The following STT3A variants were observed in gnomAD, a reference collection of about 807,000 sequenced individuals.
The protein encoded by STT3A is dolichyl-diphosphooligosaccharide--protein glycosyltransferase subunit STT3A.
STT3A carries 34 observed loss-of-function variants against 89.2 expected under a neutral mutation model. The observed-to-expected ratio is 0.38, with a 90% confidence interval of 0.29 to 0.51. STT3A has a LOEUF of 0.51. STT3A is among the 20% of genes least tolerant of loss of function. The pLI is 0.89. For missense variants in STT3A, 555 were observed against 889.5 expected (o/e 0.62, Z 4.78); for synonymous variants, 282 against 310.3 (o/e 0.91, Z 0.96).
At position 125,594,541 on chromosome 11, in the gene STT3A, AC is replaced by A. The variant is rs528235297; in HGVS notation, c.-35-1338del. Among the ~76,000 whole-genome samples the A allele has an allele frequency of 4.1e-4, 57 of 139,660 alleles. No homozygotes were observed. The East Asian group carries it at 5.0e-3, about 12-fold the overall frequency. 91.6% of individuals were successfully genotyped at this position (139,660 alleles called of 152,430 possible). A position where few individuals can be genotyped will look rare whatever the true frequency, so the allele number is the denominator to read the frequency against. Reference sequence around the variant, plus strand: ...GGAGGTTGCAGTGAGCCGAGATGGCACCACTGCACTCTAGCCTGGCGACAGA... The same window carrying A: ...GGAGGTTGCAGTGAGCCGAGATGGCACACTGCACTCTAGCCTGGCGACAGA... On this transcript the variant is annotated intron_variant, in intron 1 of 17. Transcript: ENST00000392708.
intron 17 of STT3A, 39 bp from the exon 18 acceptor site, chr11:125,620,723 CCAAAGTTGAT>C (rs1431158017): frequency 6.3e-7 from 1 of 1,592,550 alleles, no homozygotes; most frequent in Non-Finnish European, 8.6e-7. Context: ...GAAAATTTCT[CCAAAGTTGAT>C]CTGATTGTAA....
At position 125,614,579 on chromosome 11, in the gene STT3A, T is replaced by C. The variant is rs565472159; in HGVS notation, c.1774+153T>C. Among the ~76,000 whole-genome samples, 1 of 152,280 alleles carries C rather than the reference T, an allele frequency of 6.6e-6. No individual in the cohort carries two copies. Among genetic ancestry groups the C allele is most frequent in the Non-Finnish European group, 1.5e-5 (1 of 68,016 alleles). On this transcript the variant is annotated intron_variant, in intron 15 of 17. Coordinates refer to ENST00000392708, the MANE Select transcript of STT3A (RefSeq NM_152713.5). The surrounding 1 kb of genome is among the most constrained non-coding windows in gnomAD (Gnocchi z 4.9). ...TATTTGCAACTTGAGGTTTGGGTAT[T>C]TTGATTTTTTTCTTTTTGTAACAAG...
At chr11:125,598,010 G>A (rs997124315) in intron 3 of STT3A, among the ~76,000 whole-genome samples, 2 of 152,036 alleles carry the variant, frequency 1.3e-5, no homozygotes, top group African/African-American at 2.4e-5. Context: ...TCAGGAGTTC[G>A]AGACCAGCCT....
chr11:125,605,759 A>G lies in STT3A; in HGVS notation c.615+24A>G, dbSNP rs962572645. On this transcript the variant is annotated intron_variant, in intron 7 of 17. Coordinates refer to ENST00000392708, the MANE Select transcript of STT3A (RefSeq NM_152713.5). ...TGGTAACTTTTTCTACATGTTTTCA[A>G]TTTTTAAAGTTCTCTAAATACTGTA... 5.0e-6 allele frequency: 8 copies of G among 1,586,620 alleles called. No individual in the cohort carries two copies. In the Admixed American group the frequency reaches 1.2e-4, roughly 23 times the overall value.
At position 125,618,292 on chromosome 11, in the gene STT3A, G is replaced by A. The variant is rs1940237304; in HGVS notation, c.1775-81G>A. On this transcript the variant is annotated intron_variant, in intron 15 of 17. Coordinates refer to ENST00000392708, the MANE Select transcript of STT3A (RefSeq NM_152713.5). ...CCAATCCCCATTAAAAAAATGTTGAGGAATTTTCTTAGAAATACTAACCTG... is the reference window on the plus strand; with the variant it reads ...CCAATCCCCATTAAAAAAATGTTGAAGAATTTTCTTAGAAATACTAACCTG... 2.2e-6 allele frequency: 3 copies of A among 1,334,562 alleles called. No homozygotes were observed. The South Asian group carries it at 4.7e-5, about 21-fold the overall frequency. The allele number at this position is 1,334,562 out of a possible 1,614,324, so 82.7% of individuals were successfully genotyped here.
rs529394479 is a variant in STT3A, at chr11:125,613,406, A to G, written c.1554+229A>G. 6.6e-6 allele frequency among the ~76,000 whole-genome samples: 1 copy of G among 152,308 alleles called. No individual in the cohort carries two copies. The highest frequency in any genetic ancestry group is 2.1e-4 in the South Asian group (1 of 4,824). ...ACTTTGCATGCACACTTTTATTGAT[A>G]TGATGATTTTAACATGAGGTAGAAC... On this transcript the variant is annotated intron_variant, in intron 13 of 17. Coordinates refer to ENST00000392708, the MANE Select transcript of STT3A (RefSeq NM_152713.5). This position sits in a 1 kb window ranked among gnomAD's most constrained non-coding sequence, Gnocchi z 4.2.
chr11:125,592,518 GA>G (rs1939331393), upstream of STT3A: 1 of 454,374 alleles, frequency 2.2e-6, no homozygotes, highest in Non-Finnish European at 4.4e-6. Context: ...CACATGACGG[GA>G]GTCAGTGGGC....
intron 6 of STT3A, among the ~76,000 whole-genome samples, chr11:125,604,982 G>T (rs555545546): frequency 6.6e-6 from 1 of 152,298 alleles, no homozygotes; most frequent in African/African-American, 2.4e-5. Flanking sequence ...TGCGCCTATA[G>T]TCCCAGCTAC....
intron 5 of STT3A, 54 bp downstream of exon 5, chr11:125,603,002 T>C (rs1247355452): frequency 8.1e-6 from 13 of 1,602,158 alleles, no homozygotes; most frequent in Non-Finnish European, 1.1e-5. Flanking sequence ...TGAGCCTCTC[T>C]AATCGATGCT....
chr11:125,594,129 A>G (rs1939409786), intron 1 of STT3A, among the ~76,000 whole-genome samples: 1 of 152,208 alleles, frequency 6.6e-6, no homozygotes, highest in Non-Finnish European at 1.5e-5. Context: ...TCCCGACTTG[A>G]TCATTACACA....
intron 6 of STT3A, among the ~76,000 whole-genome samples, chr11:125,605,136 A>AG (rs1939794936): frequency 7.7e-6 from 1 of 130,012 alleles, no homozygotes; most frequent in African/African-American, 2.7e-5. Context: ...TATTTTTTTA[A>AG]GAAAAAAAAA....
chr11:125,599,539 T>C (rs1384746706), intron 3 of STT3A, among the ~76,000 whole-genome samples: 1 of 151,918 alleles, frequency 6.6e-6, no homozygotes, highest in Non-Finnish European at 1.5e-5. Flanking sequence ...GCCTCCCGAG[T>C]AGCTGGGATT....
rs376760659 is a variant in STT3A at position 125,614,215 on chromosome 11, G to C, written c.1671+12G>C. On this transcript the variant is annotated intron_variant, in intron 14 of 17. Coordinates refer to ENST00000392708, the MANE Select transcript of STT3A (RefSeq NM_152713.5). The surrounding 1 kb of genome is among the most constrained non-coding windows in gnomAD (Gnocchi z 4.9). ...CTCGAGTAGGGCAGGTAAGATAAAG[G>C]GATGATCTTTGAGTGTTTGGTGTAC... 2.5e-6 allele frequency: 4 copies of C among 1,612,976 alleles called. No individual in the cohort carries two copies. The highest frequency in any genetic ancestry group is 3.4e-6 in the Non-Finnish European group (4 of 1,179,014).
At chr11:125,609,897 T>C (rs1248536614) in intron 10 of STT3A, 3 of 292,964 alleles carry the variant, frequency 1.0e-5, no homozygotes, top group Admixed American at 9.7e-5. Flanking sequence ...GTCGTACTCC[T>C]TCCCCTTTAC....
rs1940105675 is a variant in STT3A, at chr11:125,614,230, G to A, written c.1671+27G>A. 5 of 1,612,594 alleles carry A rather than the reference G, an allele frequency of 3.1e-6. No homozygotes were observed. Among genetic ancestry groups the A allele is most frequent in the Non-Finnish European group, 3.4e-6 (4 of 1,178,616 alleles). On this transcript the variant is annotated intron_variant, in intron 14 of 17. Coordinates refer to ENST00000392708, the MANE Select transcript of STT3A (RefSeq NM_152713.5). This position sits in a 1 kb window ranked among gnomAD's most constrained non-coding sequence, Gnocchi z 4.9. ...TAAGATAAAGGGATGATCTTTGAGT[G>A]TTTGGTGTACAAGGTCTAATGGGAA...
intron 6 of STT3A, among the ~76,000 whole-genome samples, chr11:125,605,248 T>C (rs1939798176): frequency 6.6e-6 from 1 of 151,884 alleles, no homozygotes; most frequent in African/African-American, 2.4e-5. Context: ...AAAGGGGCAA[T>C]TGGGGCATGA....
rs1940111878 is a variant in STT3A at position 125,614,353 on chromosome 11, T to C, written c.1701T>C (p.Tyr567=). The C allele has an allele frequency of 1.9e-6, 3 of 1,614,004 alleles. No homozygotes were observed. Among genetic ancestry groups the C allele is most frequent in the Admixed American group, 3.3e-5 (2 of 60,010 alleles). Residue 567 remains tyrosine, a synonymous_variant, in exon 15 of 18, where the codon TAT becomes TAC. Transcript: ENST00000392708. The surrounding 1 kb of genome is among the most constrained non-coding windows in gnomAD (Gnocchi z 4.9). The stretch of plus-strand genomic sequence containing the variant: ...TGGCGTCCACAGAGGAAAAAGCCTA[T>C]GAGATCATGAGGGAGCTCGATGTCA... The part of the protein sequence containing the change: ...QAMASTEEKA[Y]EIMRELDVSY...
intron 17 of STT3A, 150 bp from the exon 18 acceptor site, chr11:125,620,622 G>A (rs894634201): frequency 1.5e-6 from 1 of 661,146 alleles, no homozygotes; most frequent in African/African-American, 1.8e-5. Flanking sequence ...AGAGAATCTA[G>A]TCTCTAGTCA....
intron 1 of STT3A, among the ~76,000 whole-genome samples, chr11:125,595,271 G>T (rs563117): frequency 0.5 from 76,285 of 151,168 alleles, 20,533 homozygotes; most frequent in South Asian, 0.61. Flanking sequence ...TCCTGCCTCA[G>T]CCTCCTGAGT....
Sources: allele counts gnomAD v4.1 joint callset (sites outside exome capture counted in the v4.1 genomes callset), GRCh38; gene constraint gnomAD v4.1.1; non-coding constraint Gnocchi (gnomAD v3.1); transcripts MANE v1.5; gene names NCBI Gene and HGNC (gene_info 2026-07-23, HGNC 2026-07-21).